The following UNC13C variants were observed in gnomAD, a reference collection of about 807,000 sequenced individuals.
The protein encoded by UNC13C is unc-13 homolog C.
Under a neutral mutation model 245.4 loss-of-function variants are expected in UNC13C, and 174 were observed. That is an observed-to-expected ratio of 0.71 (90% CI 0.63 to 0.80). UNC13C has a LOEUF of 0.80. Among genes scored for constraint, UNC13C ranks in the 30% least tolerant of loss-of-function variants. The probability of loss-of-function intolerance (pLI) is 0.00; values close to 1 mark genes in which losing one functional copy is unlikely to be tolerated. For missense variants in UNC13C, 2,829 were observed against 2,602.9 expected, an observed-to-expected ratio of 1.09 and a Z score of -1.89; for synonymous variants, 992 against 895.1, an observed-to-expected ratio of 1.11 and a Z score of -1.93.
chr15:54,251,690 AATCAT>A, intron 8 of UNC13C, among the ~76,000 whole-genome samples: 1 of 152,222 alleles, frequency 6.6e-6, no homozygotes, highest in East Asian at 1.9e-4. Context: ...TTCATTTGCA[AATCAT>A]ATTTTTTCAC....
At chr15:54,060,229 GC>G (rs1427627635) in intron 2 of UNC13C, among the ~76,000 whole-genome samples, 1 of 152,114 alleles carries the variant, frequency 6.6e-6, no homozygotes, top group Non-Finnish European at 1.5e-5. Flanking sequence ...CTGATAGAGG[GC>G]TAATATCCAG....
chr15:54,619,435 A>G (rs1052172739), intron 30 of UNC13C, among the ~76,000 whole-genome samples: 27 of 152,196 alleles, frequency 1.8e-4, no homozygotes, highest in African/African-American at 6.0e-4. Flanking sequence ...TCTTTTGATT[A>G]TCCAGGTTTG....
At chr15:54,074,936 C>G (rs1418087100) in intron 2 of UNC13C, among the ~76,000 whole-genome samples, 1 of 152,086 alleles carries the variant, frequency 6.6e-6, no homozygotes, top group South Asian at 2.1e-4. Context: ...TCCACAGCCT[C>G]TTTCTATTCT....
chr15:53,861,548 A>C, the UNC13C span, among the ~76,000 whole-genome samples: 1 of 152,188 alleles, frequency 6.6e-6, no homozygotes, highest in Non-Finnish European at 1.5e-5. Context: ...GTGCTTGTCA[A>C]AAACTCATTT....
intron 32 of UNC13C, among the ~76,000 whole-genome samples, chr15:54,625,976 A>G (rs953119607): frequency 6.6e-6 from 1 of 152,150 alleles, no homozygotes; most frequent in African/African-American, 2.4e-5. Flanking sequence ...TCCCTAAAGT[A>G]CAAAGTTTAG....
intron 13 of UNC13C, among the ~76,000 whole-genome samples, chr15:54,302,361 T>G (rs575348825): frequency 6.6e-6 from 1 of 152,340 alleles, no homozygotes; most frequent in African/African-American, 2.4e-5. Context: ...ATGAAGTTTT[T>G]GGCCATACCT....
chr15:54,074,505 A>C (rs1898492284), intron 2 of UNC13C, among the ~76,000 whole-genome samples: 1 of 152,206 alleles, frequency 6.6e-6, no homozygotes, highest in African/African-American at 2.4e-5. Flanking sequence ...CTTTGTATTC[A>C]TTAGCATGAA....
At chr15:54,344,930 T>C (rs900947145) in intron 17 of UNC13C, among the ~76,000 whole-genome samples, 1 of 143,546 alleles carries the variant, frequency 7.0e-6, no homozygotes, top group Non-Finnish European at 1.5e-5. Flanking sequence ...ATCTTATGTC[T>C]GTTCTCAACA....
In UNC13C at chr15:54,486,603, G is replaced by A. The variant is rs944296819; in HGVS notation, c.4934-8005G>A. On this transcript the variant is annotated intron_variant, in intron 19 of 32. Transcript: ENST00000260323. ...TACTTTGTACTATATTTATTTATAG[G>A]ATTATGGGTAAATATGCAAAGTAAG... Among the ~76,000 whole-genome samples, 6 of 152,106 alleles carry A rather than the reference G, an allele frequency of 3.9e-5. No homozygotes were observed. The South Asian group carries it at 6.2e-4, about 16-fold the overall frequency.
intron 2 of UNC13C, among the ~76,000 whole-genome samples, chr15:54,053,565 G>A (rs1897365740): frequency 6.6e-6 from 1 of 151,994 alleles, no homozygotes; most frequent in East Asian, 1.9e-4. Flanking sequence ...ACAGACATAC[G>A]ATGTGTAACA....
the UNC13C span, among the ~76,000 whole-genome samples, chr15:53,848,747 G>A: frequency 2.0e-5 from 3 of 151,974 alleles, no homozygotes; most frequent in African/African-American, 7.2e-5. Flanking sequence ...TGTAATTTTG[G>A]TTTCAACATA....
intron 7 of UNC13C, 59 bp downstream of exon 7, chr15:54,237,749 G>A (rs1344975586): frequency 1.5e-6 from 2 of 1,351,854 alleles, no homozygotes; most frequent in Non-Finnish European, 2.1e-6. Context: ...TCACAAGGGA[G>A]AAACTGTTCT....
intron 26 of UNC13C, among the ~76,000 whole-genome samples, chr15:54,541,902 A>G (rs1478372938): frequency 3.3e-5 from 5 of 152,080 alleles, no homozygotes. Flanking sequence ...AGTGCCCAGT[A>G]GTGCTGAAAA....
intron 4 of UNC13C, among the ~76,000 whole-genome samples, chr15:54,208,958 A>G (rs2034796348): frequency 1.3e-5 from 2 of 152,150 alleles, no homozygotes; most frequent in African/African-American, 4.8e-5. Context: ...AAAGAGAAAC[A>G]TTAACTCCTT....
intron 19 of UNC13C, among the ~76,000 whole-genome samples, chr15:54,459,518 G>T (rs546725693): frequency 1.3e-5 from 2 of 151,886 alleles, no homozygotes; most frequent in African/African-American, 2.4e-5. Context: ...TTCTTCCTCC[G>T]CAGGAACACC....
intron 13 of UNC13C, among the ~76,000 whole-genome samples, chr15:54,303,280 T>C (rs1467972894): frequency 6.6e-6 from 1 of 152,142 alleles, no homozygotes; most frequent in Non-Finnish European, 1.5e-5. Flanking sequence ...TAGTATAAAG[T>C]TATAGCACAA....
At chr15:53,881,439 T>C in the UNC13C span, among the ~76,000 whole-genome samples, 1 of 152,198 alleles carries the variant, frequency 6.6e-6, no homozygotes, top group Non-Finnish European at 1.5e-5. Context: ...ATCAAATTCA[T>C]GTAAATTTTA....
the UNC13C span, among the ~76,000 whole-genome samples, chr15:53,880,683 G>C: frequency 2.0e-5 from 3 of 149,246 alleles, no homozygotes; most frequent in Non-Finnish European, 4.4e-5. Context: ...TTAAAAGCAA[G>C]TTGCTTTGTC....
chr15:54,548,000 C>T (rs1896559563), intron 27 of UNC13C, among the ~76,000 whole-genome samples: 1 of 151,994 alleles, frequency 6.6e-6, no homozygotes, highest in South Asian at 2.1e-4. Context: ...AAAGCTCTCA[C>T]CTTGGCTACT....
Sources: gnomAD v4.1 joint callset for allele counts (sites outside exome capture counted in the v4.1 genomes callset) on GRCh38, gnomAD v4.1.1 for gene constraint, MANE v1.5 for transcripts, NCBI Gene and HGNC (gene_info 2026-07-23, HGNC 2026-07-21) for gene names.